The following VSTM4 variants were observed in gnomAD, a reference collection of about 807,000 sequenced individuals.
VSTM4 encodes the protein V-set and transmembrane domain-containing protein 4.
In VSTM4, 20 loss-of-function variants were observed where a neutral mutation model predicts 36.4. The observed-to-expected ratio is 0.55, with a 90% CI of 0.39 to 0.80. The LOEUF (loss-of-function observed/expected upper bound fraction) is 0.80, where lower values mean the gene tolerates loss of function less well. Among genes scored for constraint, VSTM4 ranks in the 30% least tolerant of loss-of-function variants. VSTM4 has a pLI of 0.00. For missense variants in VSTM4, 392 were observed against 404.5 expected (o/e 0.97, Z 0.26); for synonymous variants, 182 against 173.9 (o/e 1.05, Z -0.37).
intron 2 of VSTM4, among the ~76,000 whole-genome samples, chr10:49,105,877 T>C (rs1844773712): frequency 6.6e-6 from 1 of 152,080 alleles, no homozygotes; most frequent in Non-Finnish European, 1.5e-5. Context: ...TATATATATA[T>C]GTATGTATAT....
intron 2 of VSTM4, among the ~76,000 whole-genome samples, chr10:49,091,467 T>TAG (rs1844473025): frequency 6.6e-6 from 1 of 152,184 alleles, no homozygotes; most frequent in Non-Finnish European, 1.5e-5. Context: ...ACTGCATGTC[T>TAG]AGAGGAAGCA....
intron 3 of VSTM4, among the ~76,000 whole-genome samples, chr10:49,080,885 A>T (rs1156616457): frequency 6.6e-6 from 1 of 152,248 alleles, no homozygotes; most frequent in Non-Finnish European, 1.5e-5. Flanking sequence ...GTTCTCACAT[A>T]GCTAAAAATC....
rs183371713 is a variant in VSTM4, at chr10:49,060,479, G to A, written c.668+4224C>T. Among the ~76,000 whole-genome samples, 68 of 152,232 alleles carry A rather than the reference G, an allele frequency of 4.5e-4. 1 individual carries two copies. The highest frequency in any genetic ancestry group is 7.5e-4 in the Non-Finnish European group (51 of 68,012). The stretch of plus-strand genomic sequence containing the variant: ...GACACTGAACATCTTTCATGTACTT[G>A]CTCACCATTTGGATATCTTCTTTAG... On this transcript the variant is annotated intron_variant, in intron 5 of 7. Coordinates refer to ENST00000332853, the MANE Select transcript of VSTM4 (RefSeq NM_001031746.5).
At chr10:49,108,021 G>A in intron 1 of VSTM4, 26 bp from the exon 2 acceptor site, 1 of 1,527,598 alleles carries the variant, frequency 6.5e-7, no homozygotes, top group Non-Finnish European at 8.8e-7. Flanking sequence ...GGAGAAGAGA[G>A]GATGAGGAGG....
chr10:49,019,829 A>G (rs1843156058), intron 7 of VSTM4, 54 bp from the exon 8 acceptor site: 2 of 1,563,632 alleles, frequency 1.3e-6, no homozygotes, highest in East Asian at 4.5e-5. Flanking sequence ...CAGGAGCTCT[A>G]CATCACACAT....
chr10:49,086,896 G>C (rs531570115), intron 2 of VSTM4, among the ~76,000 whole-genome samples: 1 of 152,298 alleles, frequency 6.6e-6, no homozygotes, highest in African/African-American at 2.4e-5. Flanking sequence ...CATGTGCTCA[G>C]GGGTTACCAC....
chr10:49,056,626 C>G (rs1366840543), intron 5 of VSTM4, among the ~76,000 whole-genome samples: 1 of 152,216 alleles, frequency 6.6e-6, no homozygotes, highest in South Asian at 2.1e-4. Flanking sequence ...CTCATCACCA[C>G]CTAGACACAG....
At chr10:49,102,496 G>GC in intron 2 of VSTM4, 2 of 985,414 alleles carry the variant, frequency 2.0e-6, no homozygotes, top group Non-Finnish European at 2.4e-6. Flanking sequence ...AAAAACAACG[G>GC]CATGACCACA....
chr10:49,113,039 T>C (rs1356811695), intron 1 of VSTM4, among the ~76,000 whole-genome samples: 1 of 152,046 alleles, frequency 6.6e-6, no homozygotes, highest in Non-Finnish European at 1.5e-5. Flanking sequence ...GTGGGCACAG[T>C]CCCTCGGTTC....
intron 7 of VSTM4, among the ~76,000 whole-genome samples, chr10:49,033,654 T>A (rs909341412): frequency 6.6e-6 from 1 of 152,132 alleles, no homozygotes; most frequent in Non-Finnish European, 1.5e-5. Context: ...CAGAGTGCAG[T>A]GGGGAAGAAC....
rs192072849 is a variant in VSTM4, at chr10:49,030,876, A to G, written c.838-11101T>C. Among the ~76,000 whole-genome samples the G allele has an allele frequency of 4.6e-5, 7 of 152,298 alleles. No homozygotes were observed. The East Asian group carries it at 9.6e-4, about 21-fold the overall frequency. On this transcript the variant is annotated intron_variant, in intron 7 of 7. Transcript: ENST00000332853. ...AGATGCCTGTCAATGTCACCAACAT[A>G]TGTTTTGGAAGCTAAAATGTGATTA...
intron 1 of VSTM4, among the ~76,000 whole-genome samples, chr10:49,113,894 A>G (rs1272555993): frequency 6.6e-6 from 1 of 152,170 alleles, no homozygotes; most frequent in Non-Finnish European, 1.5e-5. Context: ...GACCATGGGC[A>G]CAGCCAGGGC....
At chr10:49,055,914 C>A (rs185956859) in intron 5 of VSTM4, among the ~76,000 whole-genome samples, 2 of 152,212 alleles carry the variant, frequency 1.3e-5, no homozygotes, top group African/African-American at 2.4e-5. Flanking sequence ...AAATGCTCTC[C>A]GAGTCCTTGA....
chr10:49,061,241 A>G (rs1353661090), intron 5 of VSTM4, among the ~76,000 whole-genome samples: 1 of 152,180 alleles, frequency 6.6e-6, no homozygotes, highest in Admixed American at 6.5e-5. Context: ...GTGCTCAGAG[A>G]ACACATTCTC....
At chr10:49,026,485 C>T (rs377100918) in intron 7 of VSTM4, among the ~76,000 whole-genome samples, 5 of 152,330 alleles carry the variant, frequency 3.3e-5, no homozygotes, top group African/African-American at 1.2e-4. Context: ...CAAATAAAAA[C>T]CAATCTGTTT....
Position 49,019,430 on chromosome 10 carries a change from G to T in VSTM4, c.*220C>A. 1 of 442,642 alleles carries T rather than the reference G, an allele frequency of 2.3e-6. No individual in the cohort carries two copies. The highest frequency in any genetic ancestry group is 3.6e-6 in the Non-Finnish European group (1 of 280,128). 27.4% of individuals were successfully genotyped at this position (442,642 alleles called of 1,614,324 possible). On this transcript the variant is annotated 3_prime_UTR_variant, in exon 8 of 8. Coordinates refer to ENST00000332853, the MANE Select transcript of VSTM4 (RefSeq NM_001031746.5). ...CCTTACGCTCAGGGCTCAAACCCAGGCGCATCTTGTCCCGGGAGATCTGTC... is the reference window on the plus strand; with the variant it reads ...CCTTACGCTCAGGGCTCAAACCCAGTCGCATCTTGTCCCGGGAGATCTGTC...
At chr10:49,109,116 T>C (rs1268631102) in intron 1 of VSTM4, among the ~76,000 whole-genome samples, 1 of 152,050 alleles carries the variant, frequency 6.6e-6, no homozygotes, top group Non-Finnish European at 1.5e-5. Context: ...CAGGAAGCCA[T>C]TCGCCTCCAC....
intron 4 of VSTM4, among the ~76,000 whole-genome samples, chr10:49,067,814 C>G (rs1443510627): frequency 2.0e-5 from 3 of 152,202 alleles, no homozygotes; most frequent in African/African-American, 7.2e-5. Context: ...CCAGAGCCCT[C>G]TTGTAACTAT....
intron 2 of VSTM4, among the ~76,000 whole-genome samples, chr10:49,095,710 C>G (rs918794452): frequency 1.3e-5 from 2 of 152,030 alleles, no homozygotes; most frequent in Non-Finnish European, 2.9e-5. Flanking sequence ...CTCCCTTACT[C>G]CCATGTCAGC....
Sources: allele counts gnomAD v4.1 joint callset (sites outside exome capture counted in the v4.1 genomes callset), GRCh38; gene constraint gnomAD v4.1.1; transcripts MANE v1.5; gene names NCBI Gene and HGNC (gene_info 2026-07-23, HGNC 2026-07-21).